CLDN10: variants seen among roughly 807,000 people sequenced by gnomAD.
CLDN10 encodes claudin-10.
A neutral mutation model predicts 22.9 loss-of-function variants in CLDN10; 15 were observed. That is an observed-to-expected ratio of 0.65 (90% CI 0.44 to 1.01). The LOEUF (loss-of-function observed/expected upper bound fraction) is 1.01, where lower values mean the gene tolerates loss of function less well. Among genes scored for constraint, CLDN10 ranks in the 50% least tolerant of loss-of-function variants. The probability of loss-of-function intolerance (pLI) is 0.00; values close to 1 mark genes in which losing one functional copy is unlikely to be tolerated. For missense variants in CLDN10, 247 were observed against 287.8 expected, an observed-to-expected ratio of 0.86 and a Z score of 1.03; for synonymous variants, 114 against 111.4, an observed-to-expected ratio of 1.02 and a Z score of -0.15.
intron 3 of CLDN10, among the ~76,000 whole-genome samples, chr13:95,572,390 G>T (rs1029241331): frequency 1.3e-5 from 2 of 152,106 alleles, no homozygotes; most frequent in East Asian, 1.9e-4. Flanking sequence ...TAAATCCTGG[G>T]TCTACCATTT....
chr13:95,531,350 A>G (rs1002554747), intron 1 of CLDN10, among the ~76,000 whole-genome samples: 1 of 152,220 alleles, frequency 6.6e-6, no homozygotes, highest in African/African-American at 2.4e-5. Context: ...TTTGATTAGC[A>G]ATATGAAAGT....
chr13:95,517,933 C>CAAAAAAA (rs35780641), intron 1 of CLDN10, among the ~76,000 whole-genome samples: 1 of 94,072 alleles, frequency 1.1e-5, no homozygotes, highest in Non-Finnish European at 2.1e-5. Context: ...AACTCCACCT[C>CAAAAAAA]AAAAAAAAAA....
intron 1 of CLDN10, among the ~76,000 whole-genome samples, chr13:95,513,365 A>G (rs1426888664): frequency 6.6e-6 from 1 of 152,236 alleles, no homozygotes; most frequent in East Asian, 1.9e-4. Context: ...AAGGGGCAGA[A>G]TGTGTTCTAT....
chr13:95,577,138 A>G (rs1168121274), intron 3 of CLDN10, 93 bp from the exon 4 acceptor site: 2 of 801,632 alleles, frequency 2.5e-6, no homozygotes. Context: ...AAAAAAACAT[A>G]ATAAGCATTT....
intron 1 of CLDN10, among the ~76,000 whole-genome samples, chr13:95,505,768 T>C (rs1261811607): frequency 6.8e-6 from 1 of 147,668 alleles, no homozygotes; most frequent in African/African-American, 2.6e-5. Flanking sequence ...TTTTTTTTTT[T>C]TTTTGAGACG....
chr13:95,445,945 T>C (rs1367181888), intron 1 of CLDN10, among the ~76,000 whole-genome samples: 1 of 152,194 alleles, frequency 6.6e-6, no homozygotes, highest in African/African-American at 2.4e-5. Context: ...GACATGAACA[T>C]AAACCAATTC....
intron 1 of CLDN10, among the ~76,000 whole-genome samples, chr13:95,553,340 G>T (rs1283701679): frequency 6.6e-6 from 1 of 152,160 alleles, no homozygotes; most frequent in East Asian, 1.9e-4. Flanking sequence ...AGTTCATGCT[G>T]CAGGGGCTTG....
chr13:95,558,289 T>C (rs868413572), intron 1 of CLDN10, among the ~76,000 whole-genome samples: 3 of 152,218 alleles, frequency 2.0e-5, no homozygotes, highest in African/African-American at 4.8e-5. Flanking sequence ...GTCTGGGCTC[T>C]GGCTGGGGAG....
At chr13:95,569,590 AAAAT>A (rs1239387394) in intron 3 of CLDN10, among the ~76,000 whole-genome samples, 3 of 152,270 alleles carry the variant, frequency 2.0e-5, no homozygotes, top group South Asian at 4.1e-4. Flanking sequence ...TCTGCCTCAA[AAAAT>A]AAATAAATAG....
intron 1 of CLDN10, among the ~76,000 whole-genome samples, chr13:95,501,985 C>T (rs1475923780): frequency 2.6e-5 from 4 of 152,294 alleles, no homozygotes; most frequent in South Asian, 2.1e-4. Context: ...TTACAATTTA[C>T]ACCCTTAACT....
chr13:95,447,556 C>T (rs566957995), intron 1 of CLDN10, among the ~76,000 whole-genome samples: 1 of 152,334 alleles, frequency 6.6e-6, no homozygotes, highest in African/African-American at 2.4e-5. Flanking sequence ...GACCCAGTGC[C>T]TGTCCTAAAC....
intron 1 of CLDN10, among the ~76,000 whole-genome samples, chr13:95,554,186 G>A (rs1594608157): frequency 6.6e-6 from 1 of 152,062 alleles, no homozygotes; most frequent in South Asian, 2.1e-4. Flanking sequence ...ATAAGCAGCC[G>A]GAACAGTGTT....
intron 1 of CLDN10, among the ~76,000 whole-genome samples, chr13:95,443,979 G>T (rs910798445): frequency 2.0e-5 from 3 of 152,172 alleles, no homozygotes; most frequent in African/African-American, 7.2e-5. Flanking sequence ...CTGTGGGACA[G>T]CAAGGCATGG....
chr13:95,448,173 C>T (rs1457354923), intron 1 of CLDN10, among the ~76,000 whole-genome samples: 3 of 152,116 alleles, frequency 2.0e-5, no homozygotes, highest in Non-Finnish European at 4.4e-5. Context: ...CACACAATCT[C>T]TTATCACGCA....
At position 95,562,401 on chromosome 13, in the gene CLDN10, T is replaced by C. The variant is rs140479263; in HGVS notation, c.464+1938T>C. 3.2e-3 allele frequency among the ~76,000 whole-genome samples: 482 copies of C among 152,332 alleles called. 3 individuals carry two copies. The highest frequency in any genetic ancestry group is 0.011 in the African/African-American group (461 of 41,576). On this transcript the variant is annotated intron_variant, in intron 3 of 4. Coordinates refer to ENST00000299339, the MANE Select transcript of CLDN10 (RefSeq NM_006984.5). ...TCTATACATTTAAAAATAGTTTTTA[T>C]TCAGAAATGTTATTAAATGGGAAAG...
intron 3 of CLDN10, among the ~76,000 whole-genome samples, chr13:95,570,784 T>C (rs1432748166): frequency 6.7e-6 from 1 of 148,646 alleles, no homozygotes; most frequent in Non-Finnish European, 1.5e-5. Context: ...TTCAGTTAGA[T>C]AGGAGGAATA....
intron 1 of CLDN10, among the ~76,000 whole-genome samples, chr13:95,467,765 A>C (rs911842028): frequency 9.2e-5 from 14 of 152,228 alleles, no homozygotes; most frequent in South Asian, 4.1e-4. Flanking sequence ...TGGAGCCCCA[A>C]GAGAGTGTAA....
At position 95,448,834 on chromosome 13, in the gene CLDN10, G is replaced by A. The variant is rs193158170; in HGVS notation, c.214+14787G>A. ...GGCTCACTGCAGCCTCCACCTCCCA[G>A]GTTCAAGTGATTCTCGGTCCTCAGC... On this transcript the variant is annotated intron_variant, in intron 1 of 4. Transcript: ENST00000376873. Among the ~76,000 whole-genome samples the A allele has an allele frequency of 8.4e-4, 128 of 151,954 alleles. 2 individuals are homozygous for A. The East Asian group carries it at 0.02, about 24-fold the overall frequency.
chr13:95,483,117 TGAG>T (rs1362024199), intron 1 of CLDN10, among the ~76,000 whole-genome samples: 1 of 152,208 alleles, frequency 6.6e-6, no homozygotes, highest in Non-Finnish European at 1.5e-5. Context: ...TGGGAGCTGC[TGAG>T]GAGGGGAGAG....
Sources: gnomAD v4.1 joint callset for allele counts (sites outside exome capture counted in the v4.1 genomes callset) on GRCh38, gnomAD v4.1.1 for gene constraint, MANE v1.5 for transcripts, NCBI Gene and HGNC (gene_info 2026-07-23, HGNC 2026-07-21) for gene names.